TRIP6: variants seen among roughly 807,000 people sequenced by gnomAD.
The protein encoded by TRIP6 is thyroid receptor-interacting protein 6.
Under a neutral mutation model 51.9 loss-of-function variants are expected in TRIP6, and 33 were observed. The observed-to-expected ratio is 0.64, with a 90% confidence interval of 0.48 to 0.85. TRIP6 has a LOEUF of 0.85. TRIP6 is among the 40% of genes least tolerant of loss of function. The pLI is 0.00. For synonymous variants in TRIP6, 255 were observed against 275.8 expected (o/e 0.92, Z 0.75); for missense variants, 661 against 652.1 (o/e 1.01, Z -0.15).
At chr7:100,868,058 G>A (rs1424873516) in intron 2 of TRIP6, 50 bp from the exon 3 acceptor site, 1 of 1,586,940 alleles carries the variant, frequency 6.3e-7, no homozygotes, top group Non-Finnish European at 8.6e-7. Context: ...CCCAGGACAG[G>A]AGAAGGCCTA....
At chr7:100,872,953 T>C in intron 8 of TRIP6, 1 of 1,069,720 alleles carries the variant, frequency 9.3e-7, no homozygotes, top group Non-Finnish European at 1.3e-6. Context: ...CGGGTTCAAG[T>C]GATTCTCCTG....
At chr7:100,871,081 T>G (rs1007354739) in intron 6 of TRIP6, 4 of 512,008 alleles carry the variant, frequency 7.8e-6, no homozygotes, top group African/African-American at 7.6e-5. Context: ...TTGCGCAGAC[T>G]GGAGTGCAGT....
chr7:100,870,400 C>A lies in TRIP6; in HGVS notation c.766C>A (p.Leu256Met), dbSNP rs746523260. ...CCTGAGCCAGCCTCCAGAGGATGAG[C>A]TGGATAGGCTGACGAAGAAGCTGGT... ...VPLSQPPEDELDRLTKKLVHD... is the reference protein window; with the variant it reads ...VPLSQPPEDEMDRLTKKLVHD... The change falls in exon 5 of 9, where the codon CTG (leucine) becomes ATG (methionine). Residue 256 changes from leucine (L) to methionine (M), a missense_variant. Physicochemically the swap from Leu to Met is conservative, Grantham distance 15. Transcript: ENST00000200457. The A allele has an allele frequency of 8.7e-6, 14 of 1,611,726 alleles. No individual in the cohort carries two copies. In the Admixed American group the frequency reaches 2.3e-4, roughly 27 times the overall value.
intron 4 of TRIP6, among the ~76,000 whole-genome samples, chr7:100,869,632 C>CA (rs757024618): frequency 0.11 from 4,137 of 36,634 alleles, 178 homozygotes; most frequent in Non-Finnish European, 0.13. Context: ...AACTCTGTCT[C>CA]AAAAAAAAAA....
chr7:100,868,503 G>C lies in TRIP6; in HGVS notation c.372G>C (p.Glu124Asp). 1 of 1,612,970 alleles carries C rather than the reference G, an allele frequency of 6.2e-7. No individual in the cohort carries two copies. The highest frequency in any genetic ancestry group is 8.5e-7 in the Non-Finnish European group (1 of 1,179,974). The change falls in exon 4 of 9, where the codon GAG becomes GAC. Residue 124 changes from glutamate to aspartate, a missense_variant. Physicochemically the swap from Glu to Asp is conservative, Grantham distance 45 (BLOSUM62 2). Coordinates refer to ENST00000200457, the MANE Select transcript of TRIP6 (RefSeq NM_003302.3). ...CCTGCGTTTCTCCTCAGGCATATGA[G>C]CCCCCGCCACCTCCTGCCTACCGCA... is the stretch of plus-strand genomic sequence containing the variant. ...ASRRPDRQAY[E>D]PPPPPAYRTG...
chr7:100,871,129 G>C (rs2115628585), intron 6 of TRIP6: 1 of 491,376 alleles, frequency 2.0e-6, no homozygotes, highest in Middle Eastern at 6.1e-4. Context: ...AGCCTGCCCT[G>C]GTTCAAGCGA....
In TRIP6 at chr7:100,868,683, C is replaced by G; in HGVS notation, c.552C>G (p.Pro184=). Residue 184 remains proline (P), a synonymous_variant, in exon 4 of 9, where the codon CCC becomes CCG. Transcript: ENST00000200457. The stretch of plus-strand genomic sequence containing the variant: ...AGCCAGTGAGGGGCTGCGGCCCACC[C>G]AGGCGGGGAGCCTCTCAGGCCTCTG... ...VAQPVRGCGP[P]RRGASQASGP... 6.2e-7 allele frequency: 1 copy of G among 1,603,022 alleles called. No homozygotes were observed. The highest frequency in any genetic ancestry group is 8.5e-7 in the Non-Finnish European group (1 of 1,174,580).
chr7:100,872,811 A>G (rs1458738356), intron 8 of TRIP6, 67 bp downstream of exon 8: 6 of 1,585,666 alleles, frequency 3.8e-6, no homozygotes, highest in East Asian at 4.5e-5. Flanking sequence ...CATGAGGGGG[A>G]ACACAGAGGT....
intron 7 of TRIP6, 99 bp downstream of exon 7, chr7:100,871,820 G>C: frequency 1.4e-6 from 2 of 1,419,568 alleles, no homozygotes; most frequent in Non-Finnish European, 1.9e-6. Context: ...TCCAACCCTG[G>C]CCCTCCTTCG....
intron 5 of TRIP6, 22 bp downstream of exon 5, chr7:100,870,485 G>C: frequency 6.2e-7 from 1 of 1,609,250 alleles, no homozygotes; most frequent in South Asian, 1.1e-5. Context: ...CTGTGGGGTG[G>C]GTGGGACGTG....
intron 4 of TRIP6, among the ~76,000 whole-genome samples, chr7:100,869,586 C>T (rs1161374668): frequency 3.5e-5 from 5 of 144,906 alleles, no homozygotes; most frequent in African/African-American, 1.0e-4. Context: ...GAGCCGAGAT[C>T]GCACCACTGC....
rs376946028 is a variant in TRIP6 at position 100,868,484 on chromosome 7, T to G, written c.364-11T>G. The G allele has an allele frequency of 6.0e-5, 96 of 1,613,002 alleles. No homozygotes were observed. The East Asian group carries it at 1.6e-3, about 27-fold the overall frequency. On this transcript the variant is annotated splice_polypyrimidine_tract_variant and intron_variant, in intron 3 of 8. Coordinates refer to ENST00000200457, the MANE Select transcript of TRIP6 (RefSeq NM_003302.3). ...CCTTGCTTACGACTTCTGGCCTGCG[T>G]TTCTCCTCAGGCATATGAGCCCCCG...
In TRIP6 at chr7:100,867,549, C is replaced by T. The variant is rs200889110; in HGVS notation, c.52C>T (p.Pro18Ser). The T allele has an allele frequency of 1.4e-3, 2,107 of 1,540,226 alleles. 4 individuals carry two copies. The highest frequency in any genetic ancestry group is 1.6e-3 in the Non-Finnish European group (1,851 of 1,145,060). ...PPKQPEPARA[P>S]QGRAIPRGTP... ...GAAGCAGCCGGAGCCCGCCAGAGCC[C>T]CTCAGGGGAGGGCGATCCCCCGCGG... Residue 18 changes from proline to serine, a missense_variant, in exon 1 of 9, where the codon CCT becomes TCT. By Grantham distance (74) the Pro-to-Ser change is moderately conservative. Coordinates refer to ENST00000200457, the MANE Select transcript of TRIP6 (RefSeq NM_003302.3). The surrounding 1 kb of genome is among the most constrained non-coding windows in gnomAD (Gnocchi z 5.4).
In TRIP6 at chr7:100,868,513, C is replaced by A; in HGVS notation, c.382C>A (p.Pro128Thr). 1 of 1,613,140 alleles carries A rather than the reference C, an allele frequency of 6.2e-7. No individual in the cohort carries two copies. Among genetic ancestry groups the A allele is most frequent in the Non-Finnish European group, 8.5e-7 (1 of 1,180,034 alleles). ...TCCTCAGGCATATGAGCCCCCGCCACCTCCTGCCTACCGCACGGGCTCCCT... is the reference window on the plus strand; with the variant it reads ...TCCTCAGGCATATGAGCCCCCGCCAACTCCTGCCTACCGCACGGGCTCCCT... ...PDRQAYEPPPPPAYRTGSLKP... is the reference protein window; with the variant it reads ...PDRQAYEPPPTPAYRTGSLKP... The change falls in exon 4 of 9, where the codon CCT (proline) becomes ACT (threonine). Residue 128 changes from proline (P) to threonine (T), a missense_variant. Transcript: ENST00000200457.
Position 100,867,461 on chromosome 7 carries a change from C to A in TRIP6, c.-37C>A. ...GGGGGTGAAGGCCAGAGGCTCGGGG[C>A]TTCAAGACCGCTGTCTGGAGTCCCC... On this transcript the variant is annotated 5_prime_UTR_variant, in exon 1 of 9. Transcript: ENST00000200457. The surrounding 1 kb of genome is among the most constrained non-coding windows in gnomAD (Gnocchi z 5.4). 1 of 1,386,136 alleles carries A rather than the reference C, an allele frequency of 7.2e-7. No homozygotes were observed. Among genetic ancestry groups the A allele is most frequent in the Non-Finnish European group, 9.5e-7 (1 of 1,053,482 alleles). 85.9% of individuals were successfully genotyped at this position (1,386,136 alleles called of 1,614,324 possible).
chr7:100,870,356 T>C lies in TRIP6; in HGVS notation c.736-14T>C. 2 of 1,555,294 alleles carry C rather than the reference T, an allele frequency of 1.3e-6. No individual in the cohort carries two copies. Among genetic ancestry groups the C allele is most frequent in the Non-Finnish European group, 1.8e-6 (2 of 1,133,774 alleles). ...GGAGCTAGAGTAGGACCGAGCCCGA[T>C]TCCCACCTTCCAGGTGCCCCTGAGC... On this transcript the variant is annotated splice_polypyrimidine_tract_variant and intron_variant, in intron 4 of 8. Coordinates refer to ENST00000200457, the MANE Select transcript of TRIP6 (RefSeq NM_003302.3).
intron 4 of TRIP6, among the ~76,000 whole-genome samples, chr7:100,869,679 C>T (rs1409209449): frequency 6.8e-6 from 1 of 147,282 alleles, no homozygotes; most frequent in Non-Finnish European, 1.5e-5. Flanking sequence ...GGCCCCTGGG[C>T]TGAGATGTTC....
At position 100,870,707 on chromosome 7, in the gene TRIP6, C is replaced by T. The variant is rs568026347; in HGVS notation, c.963C>T (p.Ala321=). 63 of 1,613,912 alleles carry T rather than the reference C, an allele frequency of 3.9e-5. No homozygotes were observed. The South Asian group carries it at 4.5e-4, about 12-fold the overall frequency. The change falls in exon 6 of 9, where the codon GCC becomes GCT. Residue 321 remains alanine (A), a synonymous_variant. Coordinates refer to ENST00000200457, the MANE Select transcript of TRIP6 (RefSeq NM_003302.3). The part of the protein sequence containing the change: ...RAQLRGQHFY[A]VERRAYCEGC... ...AGCTTCGCGGCCAGCATTTCTACGC[C>T]GTGGAGAGGAGGGCATATTGCGAGG...
At chr7:100,872,979 T>C in intron 8 of TRIP6, 193 bp from the exon 9 acceptor site, 1 of 1,079,088 alleles carries the variant, frequency 9.3e-7, no homozygotes, top group Non-Finnish European at 1.3e-6. Context: ...GCCTCCTGAG[T>C]AGCTGGGATT....
Sources: gnomAD v4.1 joint callset for allele counts (sites outside exome capture counted in the v4.1 genomes callset) on GRCh38, gnomAD v4.1.1 for gene constraint, Gnocchi (gnomAD v3.1) non-coding constraint, MANE v1.5 for transcripts, NCBI Gene and HGNC (gene_info 2026-07-23, HGNC 2026-07-21) for gene names.